Variants in DAB1 observed in about 807,000 individuals in gnomAD.
DAB1 encodes disabled homolog 1.
DAB1 carries 15 observed loss-of-function variants against 64.6 expected under a neutral mutation model. The ratio of observed to expected loss-of-function variants is 0.23; its 90% CI spans 0.16 to 0.36. DAB1 has a LOEUF of 0.36. Ranked by LOEUF, DAB1 falls within the 10% of genes least tolerant of loss-of-function variation. The pLI is 1.00. For missense variants in DAB1, 596 were observed against 706.7 expected (o/e 0.84, Z 1.78); for synonymous variants, 235 against 251.9 (o/e 0.93, Z 0.64).
intron 2 of DAB1, among the ~76,000 whole-genome samples, chr1:57,161,908 C>A (rs1307197005): frequency 1.3e-5 from 2 of 151,524 alleles, no homozygotes; most frequent in East Asian, 1.9e-4. Context: ...CATCTGGCAG[C>A]GTAAATTATA....
intron 1 of DAB1, among the ~76,000 whole-genome samples, chr1:57,406,908 A>C (rs981937430): frequency 2.6e-5 from 4 of 152,202 alleles, no homozygotes; most frequent in Admixed American, 2.6e-4. Flanking sequence ...TGGTAATGTA[A>C]CCAGAAGAAT....
At chr1:57,125,372 T>C (rs563614232) in intron 4 of DAB1, among the ~76,000 whole-genome samples, 5 of 152,200 alleles carry the variant, frequency 3.3e-5, no homozygotes, top group Non-Finnish European at 7.3e-5. Flanking sequence ...TACACTGTAA[T>C]ATTAGTGTAG....
chr1:58,185,593 C>T (rs1342713587), intron 4 of DAB1, among the ~76,000 whole-genome samples: 3 of 152,218 alleles, frequency 2.0e-5, no homozygotes, highest in Admixed American at 6.6e-5. Flanking sequence ...GACTTTGAAT[C>T]TTTAATATAT....
chr1:58,247,849 T>C (rs1253004780), intron 4 of DAB1, among the ~76,000 whole-genome samples: 2 of 140,656 alleles, frequency 1.4e-5, no homozygotes, highest in African/African-American at 2.6e-5. Flanking sequence ...CACTGTCTGG[T>C]TGTATTTGAA....
intron 6 of DAB1, among the ~76,000 whole-genome samples, chr1:57,727,516 C>T (rs1265915918): frequency 2.6e-5 from 4 of 152,130 alleles, no homozygotes; most frequent in South Asian, 2.1e-4. Context: ...GGGATGGCAA[C>T]GTGATCATGA....
At chr1:57,233,255 C>CGTTTTTTTT (rs1211223285) in intron 2 of DAB1, among the ~76,000 whole-genome samples, 1 of 60,804 alleles carries the variant, frequency 1.6e-5, no homozygotes, top group Non-Finnish European at 2.8e-5. Context: ...TGCTCCGATT[C>CGTTTTTTTT]TTTTTTTTTT....
In DAB1 at chr1:58,194,292, G is replaced by A. The variant is rs553806319; in HGVS notation, n.310-43704C>T. On this transcript the variant is annotated intron_variant and non_coding_transcript_variant, in intron 4 of 20. Coordinates refer to the DAB1 transcript ENST00000485760. ...TATGTGATATTTGCTATTTCAACTG[G>A]CCTCTCTGAGCCTATAAAATACAAA... Among the ~76,000 whole-genome samples, 346 of 152,206 alleles carry A rather than the reference G, an allele frequency of 2.3e-3. 1 individual carries two copies. Among genetic ancestry groups the A allele is most frequent in the Non-Finnish European group, 2.7e-3 (184 of 68,024 alleles).
rs149838216 is a variant in DAB1, at chr1:57,368,240, C to G, written c.-137+55690G>C. 7.7e-3 allele frequency among the ~76,000 whole-genome samples: 1,173 copies of G among 152,290 alleles called. 12 individuals carry two copies. The highest frequency in any genetic ancestry group is 0.026 in the African/African-American group (1,093 of 41,578). ...GCTCAGTGCTGGCCTGCAGGGGGCCCCTTGGCACCTACAGCCTGGGTGCCA... is the reference window on the plus strand; with the variant it reads ...GCTCAGTGCTGGCCTGCAGGGGGCCGCTTGGCACCTACAGCCTGGGTGCCA... On this transcript the variant is annotated intron_variant, in intron 1 of 14. Transcript: ENST00000371236.
intron 7 of DAB1, among the ~76,000 whole-genome samples, chr1:57,590,831 T>C (rs889644611): frequency 6.6e-6 from 1 of 151,332 alleles, no homozygotes. Context: ...ACTTCTAGAA[T>C]ATGATTCAGA....
chr1:57,385,031 T>C (rs1366985477), intron 1 of DAB1, among the ~76,000 whole-genome samples: 2 of 152,180 alleles, frequency 1.3e-5, no homozygotes, highest in African/African-American at 4.8e-5. Context: ...CAATAGGTTA[T>C]ACAGAAACAC....
At chr1:57,460,553 TCTTC>T (rs1464401684) in intron 7 of DAB1, among the ~76,000 whole-genome samples, 1 of 152,212 alleles carries the variant, frequency 6.6e-6, no homozygotes, top group Non-Finnish European at 1.5e-5. Flanking sequence ...ATGCATCTGC[TCTTC>T]CTAATTTGGC....
chr1:57,498,179 T>C (rs1187700312), intron 7 of DAB1, among the ~76,000 whole-genome samples: 1 of 152,126 alleles, frequency 6.6e-6, no homozygotes, highest in Non-Finnish European at 1.5e-5. Context: ...ATGAATCCTG[T>C]TTTGGGTATG....
chr1:57,832,644 G>A (rs908185547), intron 1 of DAB1, among the ~76,000 whole-genome samples: 1 of 152,206 alleles, frequency 6.6e-6, no homozygotes, highest in African/African-American at 2.4e-5. Context: ...TTGAATAATT[G>A]CAGCTTGCCT....
intron 3 of DAB1, among the ~76,000 whole-genome samples, chr1:58,474,915 A>T (rs1216442172): frequency 6.6e-6 from 1 of 152,182 alleles, no homozygotes; most frequent in East Asian, 1.9e-4. Flanking sequence ...AGAATAAAAC[A>T]TGCCTCACGG....
At chr1:57,740,981 GTGTTGAAGGA>G (rs1477478338) in intron 6 of DAB1, among the ~76,000 whole-genome samples, 1 of 152,160 alleles carries the variant, frequency 6.6e-6, no homozygotes, top group Admixed American at 6.5e-5. Context: ...TTGAGGTGGG[GTGTTGAAGGA>G]TGAAACTGAT....
intron 9 of DAB1, among the ~76,000 whole-genome samples, chr1:57,053,950 G>T (rs1014676015): frequency 3.9e-5 from 6 of 151,990 alleles, no homozygotes; most frequent in Non-Finnish European, 5.9e-5. Context: ...GCTTCCCAAA[G>T]TGTTGGGATT....
At chr1:57,372,654 G>GT (rs397727709) in intron 1 of DAB1, among the ~76,000 whole-genome samples, 3,123 of 150,902 alleles carry the variant, frequency 0.021, 43 homozygotes, top group South Asian at 0.043. Flanking sequence ...CTAAGCTCCT[G>GT]TTTTTTTTTC....
intron 5 of DAB1, among the ~76,000 whole-genome samples, chr1:58,027,108 A>G (rs1281111771): frequency 6.6e-6 from 1 of 152,256 alleles, no homozygotes; most frequent in Non-Finnish European, 1.5e-5. Context: ...GAAATAACTT[A>G]TAATAAAGTA....
chr1:57,045,134 G>A (rs749143944), intron 9 of DAB1, among the ~76,000 whole-genome samples: 3 of 152,194 alleles, frequency 2.0e-5, no homozygotes, highest in Non-Finnish European at 4.4e-5. Flanking sequence ...GTTATAGTGA[G>A]GAGAACAAAA....
Sources: gnomAD v4.1 joint callset for allele counts (sites outside exome capture counted in the v4.1 genomes callset) on GRCh38, gnomAD v4.1.1 for gene constraint, MANE v1.5 for transcripts, NCBI Gene and HGNC (gene_info 2026-07-23, HGNC 2026-07-21) for gene names.